Variants in JAZF1 observed in about 807,000 individuals in gnomAD.
The protein encoded by JAZF1 is JAZF zinc finger 1.
A neutral mutation model predicts 26.4 loss-of-function variants in JAZF1; 8 were observed. That is an observed-to-expected ratio of 0.30 (90% CI 0.18 to 0.55). JAZF1 has a LOEUF of 0.55. Among genes scored for constraint, JAZF1 ranks in the 20% least tolerant of loss-of-function variants. The probability of loss-of-function intolerance (pLI) is 0.94; values close to 1 mark genes in which losing one functional copy is unlikely to be tolerated. For missense variants in JAZF1, 199 were observed against 322.0 expected, an observed-to-expected ratio of 0.62 and a Z score of 2.92; for synonymous variants, 126 against 122.3, an observed-to-expected ratio of 1.03 and a Z score of -0.20.
chr7:27,952,262 T>C (rs1785022466), intron 2 of JAZF1, among the ~76,000 whole-genome samples: 2 of 152,082 alleles, frequency 1.3e-5, no homozygotes, highest in African/African-American at 4.8e-5. Flanking sequence ...TAATGAACCC[T>C]AAGAGGTGGG....
At chr7:28,102,469 A>G (rs10274928) in intron 1 of JAZF1, among the ~76,000 whole-genome samples, 68,205 of 152,052 alleles carry the variant, frequency 0.45, 16,075 homozygotes, top group Non-Finnish European at 0.52. Context: ...GTTATTTCTT[A>G]TCACCATGAC....
At chr7:28,018,289 A>G (rs1256584525) in intron 1 of JAZF1, among the ~76,000 whole-genome samples, 1 of 152,176 alleles carries the variant, frequency 6.6e-6, no homozygotes, top group Non-Finnish European at 1.5e-5. Context: ...GAATCCAGTT[A>G]GTGTGGGGAT....
In JAZF1 at chr7:28,126,586, G is replaced by A. The variant is rs555073751; in HGVS notation, c.115+53877C>T. ...GAACAGCACAGAGACCAGAGGCTCTGAGTGTGACGCAGAACAGGAAGGGGA... is the reference window on the plus strand; with the variant it reads ...GAACAGCACAGAGACCAGAGGCTCTAAGTGTGACGCAGAACAGGAAGGGGA... On this transcript the variant is annotated intron_variant, in intron 1 of 4. Transcript: ENST00000283928. Among the ~76,000 whole-genome samples the A allele has an allele frequency of 1.1e-4, 16 of 152,292 alleles. No individual in the cohort carries two copies. The East Asian group carries it at 2.9e-3, about 28-fold the overall frequency.
intron 2 of JAZF1, among the ~76,000 whole-genome samples, chr7:27,923,343 G>A (rs1784562663): frequency 6.6e-6 from 1 of 152,218 alleles, no homozygotes; most frequent in Non-Finnish European, 1.5e-5. Context: ...GTTGAATTCA[G>A]AAACAAGTGC....
Position 28,093,339 on chromosome 7 carries a change from CTT to C in JAZF1, c.115+87122_115+87123del, listed in dbSNP as rs539319202. On this transcript the variant is annotated intron_variant, in intron 1 of 4. Coordinates refer to ENST00000283928, the MANE Select transcript of JAZF1 (RefSeq NM_175061.4). ...GTTTCCCTCACTCGACGCATTCTCT[CTT>C]GTCTGCTGCCATGTAAGACATGCCT... 1.6e-3 allele frequency among the ~76,000 whole-genome samples: 244 copies of C among 152,290 alleles called. 1 individual carries two copies. Among genetic ancestry groups the C allele is most frequent in the Non-Finnish European group, 2.1e-3 (143 of 68,018 alleles).
At chr7:28,015,828 G>A (rs1162856872) in intron 1 of JAZF1, among the ~76,000 whole-genome samples, 2 of 152,106 alleles carry the variant, frequency 1.3e-5, no homozygotes, top group Non-Finnish European at 2.9e-5. Context: ...CCATGAAGGG[G>A]ACCTGCCCAT....
At chr7:28,046,747 T>C (rs1783503852) in intron 1 of JAZF1, among the ~76,000 whole-genome samples, 1 of 152,226 alleles carries the variant, frequency 6.6e-6, no homozygotes, top group Non-Finnish European at 1.5e-5. Flanking sequence ...AAGTTGAAAG[T>C]ATTTTGATAT....
intron 1 of JAZF1, among the ~76,000 whole-genome samples, chr7:28,024,919 C>T (rs1414953333): frequency 1.3e-5 from 2 of 152,176 alleles, no homozygotes; most frequent in African/African-American, 4.8e-5. Flanking sequence ...TTCTAAAGCA[C>T]CATGACCAGC....
chr7:28,027,862 T>C (rs1021083979), intron 1 of JAZF1, among the ~76,000 whole-genome samples: 2 of 152,210 alleles, frequency 1.3e-5, no homozygotes, highest in African/African-American at 2.4e-5. Context: ...GCCTGTTTCT[T>C]TCCCTGATGC....
At chr7:27,930,597 T>C (rs112575934) in intron 2 of JAZF1, among the ~76,000 whole-genome samples, 15 of 152,346 alleles carry the variant, frequency 9.8e-5, no homozygotes, top group African/African-American at 3.6e-4. Flanking sequence ...TTGATAGTTT[T>C]ATTGGTTTTG....
At chr7:28,156,095 G>C (rs1355388526) in intron 1 of JAZF1, among the ~76,000 whole-genome samples, 1 of 152,208 alleles carries the variant, frequency 6.6e-6, no homozygotes, top group Non-Finnish European at 1.5e-5. Flanking sequence ...TGGCTGCCAA[G>C]AGTTATGCAA....
chr7:28,036,079 G>A (rs1183025339), intron 1 of JAZF1, among the ~76,000 whole-genome samples: 1 of 152,132 alleles, frequency 6.6e-6, no homozygotes, highest in Non-Finnish European at 1.5e-5. Flanking sequence ...AAGGACCTTT[G>A]CAACTTTACT....
chr7:27,862,411 G>A (rs1171425890), intron 3 of JAZF1, among the ~76,000 whole-genome samples: 1 of 151,510 alleles, frequency 6.6e-6, no homozygotes, highest in Non-Finnish European at 1.5e-5. Flanking sequence ...TTATGTCCAT[G>A]AGTACCCAAT....
intron 1 of JAZF1, among the ~76,000 whole-genome samples, chr7:28,138,398 G>A (rs1384735666): frequency 1.3e-5 from 2 of 152,186 alleles, no homozygotes; most frequent in Admixed American, 6.5e-5. Context: ...TTAGTATTAA[G>A]TTAGATTAAA....
At chr7:28,047,778 T>C (rs1192560863) in intron 1 of JAZF1, among the ~76,000 whole-genome samples, 1 of 152,192 alleles carries the variant, frequency 6.6e-6, no homozygotes, top group Admixed American at 6.5e-5. Context: ...TTTCCTAATA[T>C]TGGACTATCC....
At chr7:28,030,799 G>T (rs1783176568) in intron 1 of JAZF1, among the ~76,000 whole-genome samples, 1 of 152,136 alleles carries the variant, frequency 6.6e-6, no homozygotes, top group African/African-American at 2.4e-5. Context: ...AGAGAAAAAT[G>T]AAAGTTTTGA....
chr7:27,940,211 G>C (rs1278326251), intron 2 of JAZF1, among the ~76,000 whole-genome samples: 1 of 152,170 alleles, frequency 6.6e-6, no homozygotes, highest in Non-Finnish European at 1.5e-5. Context: ...TTAGTTTTGA[G>C]ATAAGTTTCT....
At chr7:27,988,765 T>C (rs1033770497) in intron 2 of JAZF1, among the ~76,000 whole-genome samples, 2 of 152,042 alleles carry the variant, frequency 1.3e-5, no homozygotes, top group Admixed American at 6.6e-5. Context: ...GAATGTAAAA[T>C]TGCATACATA....
At chr7:27,970,670 T>C (rs77529199) in intron 2 of JAZF1, among the ~76,000 whole-genome samples, 5,801 of 152,282 alleles carry the variant, frequency 0.038, 390 homozygotes, top group African/African-American at 0.13. Flanking sequence ...CTAATTGAAA[T>C]TATGGAAGCT....
Sources: allele counts gnomAD v4.1 joint callset (sites outside exome capture counted in the v4.1 genomes callset), GRCh38; gene constraint gnomAD v4.1.1; transcripts MANE v1.5; gene names NCBI Gene and HGNC (gene_info 2026-07-23, HGNC 2026-07-21).